MAPKAP1: variants seen among roughly 807,000 people sequenced by gnomAD.
MAPKAP1 encodes target of rapamycin complex 2 subunit MAPKAP1.
Under a neutral mutation model 65.7 loss-of-function variants are expected in MAPKAP1, and 20 were observed. The observed-to-expected ratio is 0.30, with a 90% CI of 0.21 to 0.44. MAPKAP1 has a LOEUF of 0.44. Ranked by LOEUF, MAPKAP1 falls within the 20% of genes least tolerant of loss-of-function variation. The pLI is 1.00. For missense variants in MAPKAP1, 423 were observed against 648.0 expected (o/e 0.65, Z 3.77); for synonymous variants, 222 against 244.3 (o/e 0.91, Z 0.85).
At chr9:125,623,087 TTCAC>T (rs1482348034) in intron 4 of MAPKAP1, among the ~76,000 whole-genome samples, 3 of 149,762 alleles carry the variant, frequency 2.0e-5, no homozygotes, top group Non-Finnish European at 4.5e-5. Context: ...CGGAGTCTCG[TTCAC>T]TCAGTGCTCA....
intron 4 of MAPKAP1, among the ~76,000 whole-genome samples, chr9:125,608,764 C>T (rs1832513217): frequency 6.6e-6 from 1 of 152,154 alleles, no homozygotes; most frequent in Non-Finnish European, 1.5e-5. Flanking sequence ...CTGCCTTAAC[C>T]TTCCAGTAAA....
chr9:125,576,110 G>C (rs1831387146), intron 5 of MAPKAP1, among the ~76,000 whole-genome samples: 1 of 152,200 alleles, frequency 6.6e-6, no homozygotes, highest in Admixed American at 6.5e-5. Flanking sequence ...ATTCCAACTA[G>C]ATGGCGTTCT....
At chr9:125,441,433 G>C (rs989102251) in intron 11 of MAPKAP1, among the ~76,000 whole-genome samples, 18 of 152,186 alleles carry the variant, frequency 1.2e-4, no homozygotes, top group Admixed American at 1.2e-3. Flanking sequence ...ACATTCTGGA[G>C]GGCGGTCAGG....
At chr9:125,538,389 G>A (rs1830132647) in intron 7 of MAPKAP1, among the ~76,000 whole-genome samples, 1 of 152,198 alleles carries the variant, frequency 6.6e-6, no homozygotes, top group South Asian at 2.1e-4. Flanking sequence ...ACTTGCTAAT[G>A]GATAAGATGT....
At chr9:125,497,724 T>C (rs577301002) in intron 8 of MAPKAP1, among the ~76,000 whole-genome samples, 36 of 152,380 alleles carry the variant, frequency 2.4e-4, no homozygotes, top group Non-Finnish European at 3.7e-4. Flanking sequence ...TTAAGCACTG[T>C]GAATGACAGA....
At chr9:125,548,577 GGAT>G (rs1201528753) in intron 6 of MAPKAP1, among the ~76,000 whole-genome samples, 1 of 152,048 alleles carries the variant, frequency 6.6e-6, no homozygotes, top group African/African-American at 2.4e-5. Context: ...TACAAAATGA[GGAT>G]GATAATTATT....
intron 7 of MAPKAP1, among the ~76,000 whole-genome samples, chr9:125,534,473 A>G (rs1045064617): frequency 6.6e-6 from 1 of 152,228 alleles, no homozygotes. Context: ...GAAAGAAATC[A>G]GATGTTACCA....
At chr9:125,653,238 CA>C (rs1388157359) in intron 4 of MAPKAP1, among the ~76,000 whole-genome samples, 2 of 152,152 alleles carry the variant, frequency 1.3e-5, no homozygotes, top group African/African-American at 4.8e-5. Flanking sequence ...AACAGAGTAA[CA>C]AAAGACAAGC....
At chr9:125,469,250 C>T (rs1191432081) in intron 9 of MAPKAP1, among the ~76,000 whole-genome samples, 1 of 152,030 alleles carries the variant, frequency 6.6e-6, no homozygotes, top group Non-Finnish European at 1.5e-5. Context: ...ACATAGTTAA[C>T]ATATTTCATC....
intron 10 of MAPKAP1, among the ~76,000 whole-genome samples, chr9:125,458,479 T>G (rs1853288032): frequency 6.6e-6 from 1 of 152,034 alleles, no homozygotes. Context: ...CCGCCCTTAA[T>G]CCATTTAACC....
chr9:125,528,137 G>T (rs1264689167), intron 7 of MAPKAP1, among the ~76,000 whole-genome samples: 1 of 152,138 alleles, frequency 6.6e-6, no homozygotes, highest in Non-Finnish European at 1.5e-5. Context: ...TCAAGGAAAA[G>T]CGGGGGCTCT....
At chr9:125,676,185 C>T (rs1041664152) in intron 1 of MAPKAP1, among the ~76,000 whole-genome samples, 9 of 152,094 alleles carry the variant, frequency 5.9e-5, no homozygotes, top group East Asian at 5.8e-4. Context: ...ACTTTTTAGA[C>T]GGTAATTTGG....
At chr9:125,468,497 AGTT>A (rs1589217535) in intron 9 of MAPKAP1, among the ~76,000 whole-genome samples, 1 of 152,356 alleles carries the variant, frequency 6.6e-6, no homozygotes, top group East Asian at 1.9e-4. Context: ...TGGTGCTCTG[AGTT>A]GTTGTTCTCA....
At position 125,548,395 on chromosome 9, in the gene MAPKAP1, A is replaced by G. The variant is rs190622813; in HGVS notation, c.849-5227T>C. Among the ~76,000 whole-genome samples the G allele has an allele frequency of 5.3e-5, 8 of 152,304 alleles. No individual in the cohort carries two copies. The East Asian group carries it at 9.6e-4, about 18-fold the overall frequency. On this transcript the variant is annotated intron_variant, in intron 6 of 11. Coordinates refer to ENST00000265960, the MANE Select transcript of MAPKAP1 (RefSeq NM_001006617.3). Reference sequence around the variant, plus strand: ...GGGTCCGGGAAGCTTCCTAGTGGGGATGATGTCTCAAAACGCAAACATCAT... The same window carrying G: ...GGGTCCGGGAAGCTTCCTAGTGGGGGTGATGTCTCAAAACGCAAACATCAT...
At chr9:125,539,389 G>A (rs1207565517) in intron 7 of MAPKAP1, among the ~76,000 whole-genome samples, 2 of 152,176 alleles carry the variant, frequency 1.3e-5, no homozygotes, top group Admixed American at 6.5e-5. Context: ...GACAAGTTAT[G>A]TGGAAAACTA....
chr9:125,548,199 T>A (rs78880075), intron 6 of MAPKAP1, among the ~76,000 whole-genome samples: 3,140 of 152,330 alleles, frequency 0.021, 35 homozygotes, highest in South Asian at 0.04. Flanking sequence ...TGTTTTGGAT[T>A]CAGAAATCAA....
chr9:125,685,703 T>A (rs1452635081), intron 1 of MAPKAP1, among the ~76,000 whole-genome samples: 1 of 152,236 alleles, frequency 6.6e-6, no homozygotes, highest in Non-Finnish European at 1.5e-5. Context: ...TCTTCTAAAC[T>A]TCTAAACTCT....
At chr9:125,554,507 G>C (rs117655233) in intron 6 of MAPKAP1, among the ~76,000 whole-genome samples, 1 of 152,148 alleles carries the variant, frequency 6.6e-6, no homozygotes, top group African/African-American at 2.4e-5. Flanking sequence ...ACGTAAAGTA[G>C]AGTTTTCTAG....
intron 5 of MAPKAP1, among the ~76,000 whole-genome samples, chr9:125,581,503 G>A (rs143550145): frequency 0.014 from 2,165 of 152,282 alleles, 18 homozygotes; most frequent in South Asian, 0.041. Flanking sequence ...TGATATGTCT[G>A]TTTATGCCTT....
Sources: allele counts gnomAD v4.1 joint callset (sites outside exome capture counted in the v4.1 genomes callset), GRCh38; gene constraint gnomAD v4.1.1; transcripts MANE v1.5; gene names NCBI Gene and HGNC (gene_info 2026-07-23, HGNC 2026-07-21).